TYMS: variants seen among roughly 807,000 people sequenced by gnomAD.
The protein encoded by TYMS is thymidylate synthetase.
In TYMS, 21 loss-of-function variants were observed where a neutral mutation model predicts 39.3. That is an observed-to-expected ratio of 0.54 (90% CI 0.38 to 0.77). TYMS has a LOEUF of 0.77. Ranked by LOEUF, TYMS falls within the 30% of genes least tolerant of loss-of-function variation. The pLI is 0.00. For missense variants in TYMS, 273 were observed against 406.7 expected (o/e 0.67, Z 2.83); for synonymous variants, 171 against 162.2 (o/e 1.05, Z -0.41).
chr18:669,328 G>T, intron 4 of TYMS, 155 bp downstream of exon 4: 1 of 557,526 alleles, frequency 1.8e-6, no homozygotes, highest in Non-Finnish European at 3.2e-6. Context: ...ACATTTTGCT[G>T]CACTTTCACC....
intron 2 of TYMS, among the ~76,000 whole-genome samples, 186 bp from the exon 3 acceptor site, chr18:661,960 G>C (rs2074760187): frequency 1.3e-5 from 2 of 152,220 alleles, no homozygotes; most frequent in African/African-American, 2.4e-5. Flanking sequence ...ACTCCAGCCT[G>C]GGCAACAAGA....
In TYMS at chr18:669,867, C is replaced by T. The variant is rs184315178; in HGVS notation, c.556+694C>T. 5.2e-3 allele frequency among the ~76,000 whole-genome samples: 785 copies of T among 151,710 alleles called. 4 individuals are homozygous for T. The highest frequency in any genetic ancestry group is 6.7e-3 in the Non-Finnish European group (452 of 67,920). On this transcript the variant is annotated intron_variant, in intron 4 of 6. Transcript: ENST00000323274. ...ATTCCAACAACTCCAGAGGCCAAGG[C>T]GAGAGGATCATTTGAACCCAGGAAT...
chr18:662,355 G>A (rs757027335), intron 3 of TYMS, 35 bp downstream of exon 3: 4 of 1,566,210 alleles, frequency 2.6e-6, no homozygotes, highest in Middle Eastern at 1.7e-4. Context: ...CATTTCCCGG[G>A]TGCCCTTCCT....
intron 4 of TYMS, 183 bp downstream of exon 4, chr18:669,356 G>T: frequency 2.1e-6 from 1 of 481,330 alleles, no homozygotes; most frequent in Non-Finnish European, 3.7e-6. Context: ...CATGAGGTTG[G>T]GCCCAGAGGA....
chr18:660,532 AAC>A lies in TYMS; in HGVS notation c.279+822_279+823del. Among the ~76,000 whole-genome samples the A allele has an allele frequency of 6.6e-6, 1 of 152,324 alleles. No individual in the cohort carries two copies. The highest frequency in any genetic ancestry group is 1.9e-4 in the East Asian group (1 of 5,182). ...TCACTGTTGTATCGCCAGGGCCTCAAACACAGCCTGCCACATAGTAGGAGTCA... is the reference window on the plus strand; with the variant it reads ...TCACTGTTGTATCGCCAGGGCCTCAAACAGCCTGCCACATAGTAGGAGTCA... On this transcript the variant is annotated intron_variant, in intron 2 of 6. Coordinates refer to ENST00000323274, the MANE Select transcript of TYMS (RefSeq NM_001071.4). The surrounding 1 kb of genome is among the most constrained non-coding windows in gnomAD (Gnocchi z 4.6).
chr18:666,915 T>A (rs112999476), intron 3 of TYMS, among the ~76,000 whole-genome samples: 1,162 of 59,488 alleles, frequency 0.02, 156 homozygotes, highest in East Asian at 0.12. Context: ...ATGGTGATGG[T>A]GATGGAGATG....
intron 3 of TYMS, 35 bp from the exon 4 acceptor site, chr18:669,037 T>A: frequency 6.5e-7 from 1 of 1,541,962 alleles, no homozygotes. Flanking sequence ...GTGATTAATG[T>A]ATGTACCTGT....
At position 660,444 on chromosome 18, in the gene TYMS, A is replaced by G. The variant is rs2074745571; in HGVS notation, c.279+730A>G. On this transcript the variant is annotated intron_variant, in intron 2 of 6. Coordinates refer to ENST00000323274, the MANE Select transcript of TYMS (RefSeq NM_001071.4). The surrounding 1 kb of genome is among the most constrained non-coding windows in gnomAD (Gnocchi z 4.6). ...TCCCTTCCCCTGTTAGAAGGGGGAC[A>G]GCAGGTAGTAAAAGTGAAATGTGCT... 6.6e-6 allele frequency among the ~76,000 whole-genome samples: 1 copy of G among 152,170 alleles called. No individual in the cohort carries two copies. The highest frequency in any genetic ancestry group is 6.5e-5 in the Admixed American group (1 of 15,278).
At position 657,681 on chromosome 18, in the gene TYMS, ACTTG is replaced by A; in HGVS notation, c.-61_-58del. 1 of 1,198,680 alleles carries A rather than the reference ACTTG, an allele frequency of 8.3e-7. No homozygotes were observed. The highest frequency in any genetic ancestry group is 3.4e-5 in the East Asian group (1 of 29,300). The allele number at this position is 1,198,680 out of a possible 1,614,324, so 74.3% of individuals were successfully genotyped here. Reference sequence around the variant, plus strand: ...TGGCCTGCCTCCGTCCCGCCGCGCCACTTGGCCTGCCTCCGTCCCGCCGCGCCAC... The same window carrying A: ...TGGCCTGCCTCCGTCCCGCCGCGCCAGCCTGCCTCCGTCCCGCCGCGCCAC... On this transcript the variant is annotated 5_prime_UTR_variant, in exon 1 of 7. Coordinates refer to ENST00000323274, the MANE Select transcript of TYMS (RefSeq NM_001071.4).
chr18:672,834 A>G, intron 6 of TYMS, 26 bp from the exon 7 acceptor site: 1 of 1,543,238 alleles, frequency 6.5e-7, no homozygotes, highest in Non-Finnish European at 8.8e-7. Flanking sequence ...AATTATGGCA[A>G]AATAATGGCC....
intron 4 of TYMS, chr18:669,460 C>T (rs1454152428): frequency 2.4e-5 from 6 of 250,184 alleles, no homozygotes; most frequent in Non-Finnish European, 3.9e-5. Context: ...GTAACCTCTG[C>T]CTCCTGGGTT....
chr18:657,809 G>A lies in TYMS; in HGVS notation c.67G>A (p.Glu23Lys). 3 of 1,465,184 alleles carry A rather than the reference G, an allele frequency of 2.0e-6. No individual in the cohort carries two copies. Among genetic ancestry groups the A allele is most frequent in the Middle Eastern group, 1.8e-4 (1 of 5,584 alleles). 90.8% of individuals were successfully genotyped at this position (1,465,184 alleles called of 1,614,324 possible). A position where few individuals can be genotyped will look rare whatever the true frequency, so the allele number is the denominator to read the frequency against. The change falls in exon 1 of 7, where the codon GAG becomes AAG. Residue 23 changes from glutamate (E) to lysine (K), a missense_variant. Physicochemically the swap from Glu to Lys is moderately conservative, Grantham distance 56 (BLOSUM62 1). Around this residue, in one of 3 missense-constraint regions of TYMS, gnomAD observed 228 missense variants for 326.1 expected, o/e 0.70. Transcript: ENST00000323274. ...LPPAAQERDA[E>K]PRPPHGELQY... ...CCCCGCCGCACAGGAGCGGGACGCC[G>A]AGCCGCGTCCGCCGCACGGGGAGCT...
In TYMS at chr18:667,505, T is replaced by C. The variant is rs865898175; in HGVS notation, c.455-1567T>C. Among the ~76,000 whole-genome samples the C allele has an allele frequency of 5.2e-5, 2 of 38,826 alleles. 1 individual carries two copies. The highest frequency in any genetic ancestry group is 4.1e-4 in the African/African-American group (2 of 4,900). The allele number at this position is 38,826 out of a possible 152,430, so 25.5% of individuals were successfully genotyped here. A position where few individuals can be genotyped will look rare whatever the true frequency, so the allele number is the denominator to read the frequency against. On this transcript the variant is annotated intron_variant, in intron 3 of 6. Coordinates refer to ENST00000323274, the MANE Select transcript of TYMS (RefSeq NM_001071.4). Reference sequence around the variant, plus strand: ...GTGATGGTGATGGTGATGGAGATGGTGATGGTGATGGTGATGGTGATGGAG... The same window carrying C: ...GTGATGGTGATGGTGATGGAGATGGCGATGGTGATGGTGATGGTGATGGAG...
chr18:658,631 G>GA lies in TYMS; in HGVS notation c.205+685dup. 1 of 228,374 alleles carries GA rather than the reference G, an allele frequency of 4.4e-6. No homozygotes were observed. Among genetic ancestry groups the GA allele is most frequent in the Non-Finnish European group, 8.5e-6 (1 of 117,524 alleles). 14.1% of individuals were successfully genotyped at this position (228,374 alleles called of 1,614,324 possible). A position where few individuals can be genotyped will look rare whatever the true frequency, so the allele number is the denominator to read the frequency against. ...GGTCATTGGCGCCAGGCTTTCAGGGGACAGTGGGGCGGGGCGGGGTGGGCA... is the reference window on the plus strand; with the variant it reads ...GGTCATTGGCGCCAGGCTTTCAGGGGAACAGTGGGGCGGGGCGGGGTGGGCA... On this transcript the variant is annotated intron_variant, in intron 1 of 6. Coordinates refer to ENST00000323274, the MANE Select transcript of TYMS (RefSeq NM_001071.4). The surrounding 1 kb of genome is among the most constrained non-coding windows in gnomAD (Gnocchi z 4.5).
In TYMS at chr18:658,968, A is replaced by G. The variant is rs1371952769; in HGVS notation, c.206-673A>G. Among the ~76,000 whole-genome samples, 1 of 152,142 alleles carries G rather than the reference A, an allele frequency of 6.6e-6. No homozygotes were observed. Among genetic ancestry groups the G allele is most frequent in the Admixed American group, 6.6e-5 (1 of 15,266 alleles). On this transcript the variant is annotated intron_variant, in intron 1 of 6. Coordinates refer to ENST00000323274, the MANE Select transcript of TYMS (RefSeq NM_001071.4). This position sits in a 1 kb window ranked among gnomAD's most constrained non-coding sequence, Gnocchi z 4.5. ...ACAGCGTGGGGAGTTTTGTCTGAGGAGAGGGATCCACTTTTCTGCAGCTCC... is the reference window on the plus strand; with the variant it reads ...ACAGCGTGGGGAGTTTTGTCTGAGGGGAGGGATCCACTTTTCTGCAGCTCC...
chr18:666,170 T>TCA, intron 3 of TYMS, among the ~76,000 whole-genome samples: 1 of 149,760 alleles, frequency 6.7e-6, no homozygotes, highest in Non-Finnish European at 1.5e-5. Flanking sequence ...GTAGGTCAGA[T>TCA]GATTGGCACT....
rs2074700991 is a variant in TYMS, at chr18:657,713, C to CCTGCCTCCGTCCCGCCGCGCCACTTG, written c.-30_-29insCTGCCTCCGTCCCGCCGCGCCACTTG. ...CTGCCTCCGTCCCGCCGCGCCACTT[C>CCTGCCTCCGTCCCGCCGCGCCACTTG]GCCTGCCTCCGTCCCCCGCCCGCCG... On this transcript the variant is annotated 5_prime_UTR_variant, in exon 1 of 7. Transcript: ENST00000323274. The CCTGCCTCCGTCCCGCCGCGCCACTTG allele has an allele frequency of 2.3e-6, 3 of 1,311,454 alleles. No homozygotes were observed. The African/African-American group carries it at 5.0e-5, about 22-fold the overall frequency. The allele number at this position is 1,311,454 out of a possible 1,614,324, so 81.2% of individuals were successfully genotyped here.
intron 5 of TYMS, 79 bp downstream of exon 5, chr18:670,946 C>G (rs1330012461): frequency 3.0e-5 from 45 of 1,503,948 alleles, no homozygotes; most frequent in Non-Finnish European, 4.1e-5. Context: ...AAACAAATTG[C>G]AGAGTTTAGT....
At chr18:661,402 T>C (rs999243501) in intron 2 of TYMS, among the ~76,000 whole-genome samples, 1 of 152,212 alleles carries the variant, frequency 6.6e-6, no homozygotes, top group Non-Finnish European at 1.5e-5. Flanking sequence ...CACTGTAAAA[T>C]ACTGATTAGT....
Sources: allele counts gnomAD v4.1 joint callset (sites outside exome capture counted in the v4.1 genomes callset), GRCh38; gene constraint gnomAD v4.1.1; regional missense constraint gnomAD v4.1.1; non-coding constraint Gnocchi (gnomAD v3.1); transcripts MANE v1.5; gene names NCBI Gene and HGNC (gene_info 2026-07-23, HGNC 2026-07-21).